The following TIAM2 variants were observed in gnomAD, a reference collection of about 807,000 sequenced individuals.
TIAM2 encodes rho guanine nucleotide exchange factor TIAM2.
TIAM2 carries 80 observed loss-of-function variants against 152.9 expected under a neutral mutation model. The ratio of observed to expected loss-of-function variants is 0.52; its 90% CI spans 0.44 to 0.63. The LOEUF is 0.63. Among genes scored for constraint, TIAM2 ranks in the 30% least tolerant of loss-of-function variants. The pLI is 0.00. For missense variants in TIAM2, 1,965 were observed against 2,120.1 expected (o/e 0.93, Z 1.44); for synonymous variants, 804 against 838.0 (o/e 0.96, Z 0.70).
chr6:155,062,377 A>G (rs960442533), intron 1 of TIAM2, among the ~76,000 whole-genome samples: 4 of 152,076 alleles, frequency 2.6e-5, no homozygotes, highest in Non-Finnish European at 4.4e-5. Flanking sequence ...GTTAGGTTGT[A>G]TGGTAGGAGT....
intron 2 of TIAM2, among the ~76,000 whole-genome samples, chr6:155,094,550 T>TTC (rs1467518825): frequency 4.3e-5 from 6 of 138,008 alleles, no homozygotes; most frequent in Non-Finnish European, 6.3e-5. Flanking sequence ...CTCAGACTTT[T>TTC]TTTTTTTTTT....
intron 16 of TIAM2, among the ~76,000 whole-genome samples, 165 bp from the exon 17 acceptor site, chr6:155,243,846 C>CAAAAAAAAAAAAAAAAAA (rs59365890): frequency 1.3e-4 from 7 of 55,050 alleles, no homozygotes; most frequent in African/African-American, 5.6e-4. Flanking sequence ...GACTCCGTCT[C>CAAAAAAAAAAAAAAAAAA]AAAAAAAAAA....
intron 15 of TIAM2, among the ~76,000 whole-genome samples, chr6:155,217,866 T>C (rs1781902712): frequency 6.6e-6 from 1 of 152,240 alleles, no homozygotes; most frequent in African/African-American, 2.4e-5. Flanking sequence ...CTAGTGGCTA[T>C]GGTTTTTAGT....
chr6:155,174,270 C>T lies in TIAM2; in HGVS notation c.2362-2546C>T, dbSNP rs1780707470. On this transcript the variant is annotated intron_variant, in intron 9 of 26. Transcript: ENST00000682666. The surrounding 1 kb of genome is among the most constrained non-coding windows in gnomAD (Gnocchi z 4.2). ...CTGAGCCATATTTTTCTTGCCTTTTCCATAGGAAGTGATGATGGTGCCTTC... is the reference window on the plus strand; with the variant it reads ...CTGAGCCATATTTTTCTTGCCTTTTTCATAGGAAGTGATGATGGTGCCTTC... Among the ~76,000 whole-genome samples, 2 of 152,164 alleles carry T rather than the reference C, an allele frequency of 1.3e-5. No individual in the cohort carries two copies. The highest frequency in any genetic ancestry group is 4.1e-4 in the South Asian group (2 of 4,830).
chr6:155,097,047 A>G (rs1269008859), intron 2 of TIAM2, among the ~76,000 whole-genome samples: 3 of 152,248 alleles, frequency 2.0e-5, no homozygotes, highest in Non-Finnish European at 2.9e-5. Context: ...AGCCATTTTC[A>G]CTGGGGTGAG....
At chr6:155,017,872 G>A (rs933927478) in intron 1 of TIAM2, among the ~76,000 whole-genome samples, 7 of 152,076 alleles carry the variant, frequency 4.6e-5, no homozygotes, top group African/African-American at 7.2e-5. Context: ...CCCTCTGAAA[G>A]ACCCATGTCT....
intron 5 of TIAM2, among the ~76,000 whole-genome samples, chr6:155,143,032 A>C (rs1779746205): frequency 1.3e-5 from 2 of 152,248 alleles, no homozygotes; most frequent in South Asian, 2.1e-4. Context: ...TAGTAGGATA[A>C]AGTACCGTGA....
chr6:155,029,505 AAT>A lies in TIAM2; in HGVS notation c.-209+34019_-209+34020del, dbSNP rs1491485212. ...ATATACTATAGTATATATTATATAT[AAT>A]ATATACTATATATTATAGTATAGAT... On this transcript the variant is annotated intron_variant, in intron 1 of 26. Transcript: ENST00000682666. Among the ~76,000 whole-genome samples the A allele has an allele frequency of 9.9e-4, 28 of 28,362 alleles. 2 individuals are homozygous for A. The highest frequency in any genetic ancestry group is 1.5e-3 in the African/African-American group (11 of 7,256). 18.6% of individuals were successfully genotyped at this position (28,362 alleles called of 152,430 possible).
intron 18 of TIAM2, among the ~76,000 whole-genome samples, chr6:155,245,230 G>A (rs1425473253): frequency 6.6e-6 from 1 of 152,218 alleles, no homozygotes; most frequent in East Asian, 1.9e-4. Flanking sequence ...GTAAGCCGCA[G>A]TGTGGCAGGA....
chr6:155,001,407 G>A (rs1324789756), intron 1 of TIAM2, among the ~76,000 whole-genome samples: 1 of 152,132 alleles, frequency 6.6e-6, no homozygotes, highest in African/African-American at 2.4e-5. Context: ...AACAAATAAA[G>A]GATCTTAATA....
At chr6:155,033,500 G>T (rs1177176819) in intron 1 of TIAM2, among the ~76,000 whole-genome samples, 3 of 152,010 alleles carry the variant, frequency 2.0e-5, no homozygotes, top group Non-Finnish European at 2.9e-5. Flanking sequence ...AGCAGGTTTC[G>T]CAGGTTTAAA....
intron 1 of TIAM2, among the ~76,000 whole-genome samples, chr6:155,083,967 G>A (rs1304235854): frequency 2.6e-5 from 4 of 152,150 alleles, no homozygotes; most frequent in Non-Finnish European, 4.4e-5. Context: ...CTAGTGTCAC[G>A]TTGGCTGTAC....
chr6:155,118,429 CTTTT>C (rs1170455092), intron 2 of TIAM2, among the ~76,000 whole-genome samples: 1 of 132,340 alleles, frequency 7.6e-6, no homozygotes, highest in Non-Finnish European at 1.6e-5. Context: ...TTTTCTTTTT[CTTTT>C]TCTTTTTTTT....
intron 2 of TIAM2, among the ~76,000 whole-genome samples, chr6:155,104,564 T>C (rs965879709): frequency 3.9e-5 from 6 of 152,216 alleles, no homozygotes; most frequent in South Asian, 2.1e-4. Flanking sequence ...GAGACCATCC[T>C]GGCTAACACA....
intron 15 of TIAM2, among the ~76,000 whole-genome samples, chr6:155,215,473 G>A (rs1486538951): frequency 1.3e-5 from 2 of 152,156 alleles, no homozygotes; most frequent in African/African-American, 2.4e-5. Flanking sequence ...CAAGTCTAAC[G>A]TAGTTATCAC....
At chr6:155,063,314 GT>G (rs1248694171) in intron 1 of TIAM2, among the ~76,000 whole-genome samples, 1 of 152,110 alleles carries the variant, frequency 6.6e-6, no homozygotes, top group Non-Finnish European at 1.5e-5. Context: ...TCATATTGTG[GT>G]AGACCTCTTC....
intron 1 of TIAM2, among the ~76,000 whole-genome samples, chr6:155,033,480 G>A (rs1776860959): frequency 6.6e-6 from 1 of 152,076 alleles, no homozygotes; most frequent in Non-Finnish European, 1.5e-5. Context: ...GAAATTTAGA[G>A]TAGAAGCACA....
intron 1 of TIAM2, among the ~76,000 whole-genome samples, chr6:155,056,015 T>A (rs1426517151): frequency 6.6e-6 from 1 of 151,910 alleles, no homozygotes; most frequent in Non-Finnish European, 1.5e-5. Context: ...GCCAGAAAAA[T>A]CTATTCAGAA....
intron 7 of TIAM2, among the ~76,000 whole-genome samples, chr6:155,159,692 G>T (rs1460525911): frequency 6.6e-6 from 1 of 152,132 alleles, no homozygotes; most frequent in African/African-American, 2.4e-5. Flanking sequence ...TGAATCAGGG[G>T]CCTCACCGTA....
Sources: gnomAD v4.1 joint callset for allele counts (sites outside exome capture counted in the v4.1 genomes callset) on GRCh38, gnomAD v4.1.1 for gene constraint, Gnocchi (gnomAD v3.1) non-coding constraint, MANE v1.5 for transcripts, NCBI Gene and HGNC (gene_info 2026-07-23, HGNC 2026-07-21) for gene names.